DUSP10: variants seen among roughly 807,000 people sequenced by gnomAD.
DUSP10 encodes dual specificity protein phosphatase 10.
DUSP10 carries 14 observed loss-of-function variants against 30.8 expected under a neutral mutation model. The ratio of observed to expected loss-of-function variants is 0.46; its 90% CI spans 0.30 to 0.71. The LOEUF (loss-of-function observed/expected upper bound fraction) is 0.71. Ranked by LOEUF, DUSP10 falls within the 30% of genes least tolerant of loss-of-function variation. The pLI, the probability that DUSP10 is intolerant of heterozygous loss-of-function variation, is 0.08. For missense variants in DUSP10, 550 were observed against 619.4 expected (o/e 0.89, Z 1.19); for synonymous variants, 254 against 250.4 (o/e 1.01, Z -0.14).
rs763657922 is a variant in DUSP10, at chr1:221,706,423, G to A, written c.855C>T (p.Asp285=). Residue 285 remains aspartate, a synonymous_variant, in exon 3 of 4, where the codon GAC becomes GAT. Coordinates refer to ENST00000366899, the MANE Select transcript of DUSP10 (RefSeq NM_007207.6). The surrounding 1 kb of genome is among the most constrained non-coding windows in gnomAD (Gnocchi z 4.6). The part of the protein sequence containing the change: ...SFKQNHENLC[D]NSLQLQECRE... ...GGCACTCTTGGAGCTGGAGGGAGTT[G>A]TCACAGAGGTTTTCATGGTTCTGCT... The A allele has an allele frequency of 6.5e-7, 1 of 1,538,112 alleles. No individual in the cohort carries two copies. Among genetic ancestry groups the A allele is most frequent in the Non-Finnish European group, 8.7e-7 (1 of 1,142,940 alleles).
intron 2 of DUSP10, among the ~76,000 whole-genome samples, chr1:221,725,425 C>A (rs1329636948): frequency 6.6e-6 from 1 of 152,170 alleles, no homozygotes; most frequent in Non-Finnish European, 1.5e-5. Context: ...ACTCCATAAC[C>A]ACAGCATTCC....
intron 2 of DUSP10, among the ~76,000 whole-genome samples, chr1:221,711,465 T>C (rs79494114): frequency 0.012 from 1,775 of 152,308 alleles, 17 homozygotes; most frequent in Non-Finnish European, 0.018. Context: ...TAGGCTAAAA[T>C]TGGACTCTTC....
At chr1:221,717,425 T>G (rs1661137168) in intron 2 of DUSP10, among the ~76,000 whole-genome samples, 1 of 150,136 alleles carries the variant, frequency 6.7e-6, no homozygotes, top group African/African-American at 2.5e-5. Context: ...CAATATGTGT[T>G]TGAAAAGAAA....
At chr1:221,718,872 G>C (rs544905148) in intron 2 of DUSP10, among the ~76,000 whole-genome samples, 1 of 152,168 alleles carries the variant, frequency 6.6e-6, no homozygotes, top group African/African-American at 2.4e-5. Flanking sequence ...TCACAGGAGA[G>C]CATATTTCTA....
At chr1:221,730,137 T>C (rs1365058420) in intron 2 of DUSP10, among the ~76,000 whole-genome samples, 1 of 152,070 alleles carries the variant, frequency 6.6e-6, no homozygotes, top group Non-Finnish European at 1.5e-5. Flanking sequence ...CAACAGCTGG[T>C]AATATTTAGC....
intron 2 of DUSP10, among the ~76,000 whole-genome samples, chr1:221,714,472 C>G (rs956217612): frequency 6.6e-6 from 1 of 152,084 alleles, no homozygotes; most frequent in Non-Finnish European, 1.5e-5. Flanking sequence ...CTGCCGGCCA[C>G]GTGTACAGTA....
At chr1:221,710,484 G>C (rs1345496915) in intron 2 of DUSP10, among the ~76,000 whole-genome samples, 1 of 151,694 alleles carries the variant, frequency 6.6e-6, no homozygotes, top group Non-Finnish European at 1.5e-5. Flanking sequence ...CACATTGTAA[G>C]TGCTTTTTCT....
rs1478947635 is a variant in DUSP10 at position 221,711,480 on chromosome 1, G to C, written c.812-5014C>G. Among the ~76,000 whole-genome samples the C allele has an allele frequency of 2.0e-5, 3 of 152,146 alleles. No homozygotes were observed. The East Asian group carries it at 5.8e-4, about 29-fold the overall frequency. On this transcript the variant is annotated intron_variant, in intron 2 of 3. Coordinates refer to ENST00000366899, the MANE Select transcript of DUSP10 (RefSeq NM_007207.6). Reference sequence around the variant, plus strand: ...TAGGCTAAAATTGGACTCTTCTACAGTTTGCTATAAGCATATTGATCACCC... The same window carrying C: ...TAGGCTAAAATTGGACTCTTCTACACTTTGCTATAAGCATATTGATCACCC...
intron 2 of DUSP10, among the ~76,000 whole-genome samples, chr1:221,733,296 T>G (rs1250835557): frequency 2.0e-5 from 3 of 152,240 alleles, no homozygotes; most frequent in Non-Finnish European, 4.4e-5. Context: ...TATTCACCAT[T>G]CTCCCTTCTC....
intron 2 of DUSP10, 90 bp downstream of exon 2, chr1:221,738,844 A>G: frequency 6.8e-7 from 1 of 1,478,646 alleles, no homozygotes; most frequent in Non-Finnish European, 9.1e-7. Flanking sequence ...TTTGGTAGCC[A>G]GGGTAAGGAG....
At chr1:221,735,862 C>T (rs1207479828) in intron 2 of DUSP10, among the ~76,000 whole-genome samples, 1 of 152,212 alleles carries the variant, frequency 6.6e-6, no homozygotes, top group Non-Finnish European at 1.5e-5. Context: ...CTTTCTTACT[C>T]AGTTTGACTA....
chr1:221,736,521 T>C (rs1013062267), intron 2 of DUSP10, among the ~76,000 whole-genome samples: 3 of 152,212 alleles, frequency 2.0e-5, no homozygotes, highest in African/African-American at 4.8e-5. Context: ...AATGGTCTGC[T>C]TGACCCACTC....
chr1:221,721,869 C>T (rs1011022725), intron 2 of DUSP10, among the ~76,000 whole-genome samples: 3 of 152,158 alleles, frequency 2.0e-5, no homozygotes, highest in Non-Finnish European at 4.4e-5. Flanking sequence ...GGGCACAGTG[C>T]TCAGTATAGG....
rs1660757938 is a variant in DUSP10 at position 221,706,306 on chromosome 1, G to A, written c.972C>T (p.Pro324=). 2 of 1,614,162 alleles carry A rather than the reference G, an allele frequency of 1.2e-6. No homozygotes were observed. The highest frequency in any genetic ancestry group is 2.2e-5 in the East Asian group (1 of 44,876). ...TGCCAAGGAACAGGAAGGGCAAGAT[G>A]GGGGTGAGCTCAGCGTTCTCGATGT... The part of the protein sequence containing the change: ...TPDIENAELT[P]ILPFLFLGNE... The change falls in exon 3 of 4, where the codon CCC becomes CCT. Residue 324 remains proline, a synonymous_variant. Coordinates refer to ENST00000366899, the MANE Select transcript of DUSP10 (RefSeq NM_007207.6). This position sits in a 1 kb window ranked among gnomAD's most constrained non-coding sequence, Gnocchi z 4.6.
intron 2 of DUSP10, among the ~76,000 whole-genome samples, chr1:221,709,315 A>G (rs906915658): frequency 7.1e-6 from 1 of 140,384 alleles, no homozygotes; most frequent in African/African-American, 3.2e-5. Context: ...AATGGGGGGA[A>G]AAAAACCCGT....
chr1:221,725,314 T>C (rs1466973165), intron 2 of DUSP10, among the ~76,000 whole-genome samples: 2 of 152,208 alleles, frequency 1.3e-5, no homozygotes, highest in Admixed American at 1.3e-4. Context: ...TCTCAAAGTT[T>C]GTTTTAATAA....
chr1:221,712,803 G>A (rs1032994944), intron 2 of DUSP10, among the ~76,000 whole-genome samples: 32 of 57,092 alleles, frequency 5.6e-4, no homozygotes, highest in South Asian at 2.9e-3. Flanking sequence ...AAAAAAAAGA[G>A]CTTTGCCTTG....
At chr1:221,723,620 T>C (rs1661340375) in intron 2 of DUSP10, among the ~76,000 whole-genome samples, 1 of 152,186 alleles carries the variant, frequency 6.6e-6, no homozygotes, top group Non-Finnish European at 1.5e-5. Context: ...CTAGAATGAC[T>C]CACAGAACAC....
chr1:221,703,044 C>G (rs772255700), intron 3 of DUSP10, among the ~76,000 whole-genome samples: 5 of 152,044 alleles, frequency 3.3e-5, no homozygotes, highest in Non-Finnish European at 7.3e-5. Context: ...CTAACAGTCA[C>G]TGAACCTTCT....
Sources: gnomAD v4.1 joint callset for allele counts (sites outside exome capture counted in the v4.1 genomes callset) on GRCh38, gnomAD v4.1.1 for gene constraint, Gnocchi (gnomAD v3.1) non-coding constraint, MANE v1.5 for transcripts, NCBI Gene and HGNC (gene_info 2026-07-23, HGNC 2026-07-21) for gene names.